FBN3: variants seen among roughly 807,000 people sequenced by gnomAD.
FBN3 encodes the protein fibrillin-3.
A neutral mutation model predicts 330.1 loss-of-function variants in FBN3; 234 were observed. The ratio of observed to expected loss-of-function variants is 0.71; its 90% confidence interval spans 0.64 to 0.79. The LOEUF is 0.79. FBN3 is among the 30% of genes least tolerant of loss of function. The pLI, the probability that FBN3 is intolerant of heterozygous loss-of-function variation, is 0.00. For synonymous variants in FBN3, 1,458 were observed against 1,517.3 expected, an observed-to-expected ratio of 0.96 and a Z score of 0.91; for missense variants, 3,606 against 3,886.9, an observed-to-expected ratio of 0.93 and a Z score of 1.92.
rs1340915380 is a variant in FBN3, at chr19:8,141,954, G to A, written c.725C>T (p.Thr242Met). 7.4e-6 allele frequency: 12 copies of A among 1,614,238 alleles called. No individual in the cohort carries two copies. Among genetic ancestry groups the A allele is most frequent in the Non-Finnish European group, 9.3e-6 (11 of 1,180,032 alleles). ...CRRGFIPNIHTGACQDVDECQ... is the reference protein window; with the variant it reads ...CRRGFIPNIHMGACQDVDECQ... Reference sequence around the variant, plus strand: ...CCACTATTCACCTTGGCAGGCCCCCGTGTGGATATTGGGGATGAAGCCGCG... The same window carrying A: ...CCACTATTCACCTTGGCAGGCCCCCATGTGGATATTGGGGATGAAGCCGCG... Residue 242 changes from threonine to methionine, a missense_variant, in exon 7 of 64, where the codon ACG (threonine) becomes ATG (methionine). Coordinates refer to ENST00000600128, the MANE Select transcript of FBN3 (RefSeq NM_032447.5).
At chr19:8,099,800 C>T (rs1293304969) in intron 41 of FBN3, among the ~76,000 whole-genome samples, 2 of 151,696 alleles carry the variant, frequency 1.3e-5, no homozygotes, top group African/African-American at 4.8e-5. Flanking sequence ...CACCTGAGAT[C>T]AGGAGTTCGA....
Position 8,144,963 on chromosome 19 carries a change from T to A in FBN3, c.455A>T (p.Asp152Val). The A allele has an allele frequency of 1.2e-6, 2 of 1,609,870 alleles. No homozygotes were observed. Among genetic ancestry groups the A allele is most frequent in the Non-Finnish European group, 1.7e-6 (2 of 1,178,986 alleles). Residue 152 changes from aspartate to valine, a missense_variant, in exon 6 of 64, where the codon GAC (aspartate) becomes GTC (valine). Physicochemically the swap from Asp to Val is radical, Grantham distance 152 (BLOSUM62 -3). Coordinates refer to ENST00000600128, the MANE Select transcript of FBN3 (RefSeq NM_032447.5). ...GCGACCCCCATTGTGGCAGCCGCGG[T>A]CACAGATGGCTGTGGAGGAGAGAGG... ...TGTVCGQPIC[D>V]RGCHNGGRCI... is the part of the protein sequence containing the mutation.
rs370271045 is a variant in FBN3, at chr19:8,145,022, G to A, written c.446-50C>T. 2.0e-5 allele frequency: 30 copies of A among 1,499,446 alleles called. No homozygotes were observed. In the African/African-American group the frequency reaches 2.7e-4, roughly 14 times the overall value. 92.9% of individuals were successfully genotyped at this position (1,499,446 alleles called of 1,614,324 possible). A position where few individuals can be genotyped will look rare whatever the true frequency, so the allele number is the denominator to read the frequency against. ...TGGAGGTCCCCCAGCAGCAGAGAGA[G>A]CTGGGGTTCACAGCAAGCCTGTCTT... is the stretch of plus-strand genomic sequence containing the variant. On this transcript the variant is annotated intron_variant, in intron 5 of 63. Transcript: ENST00000600128.
intron 40 of FBN3, 43 bp from the exon 41 acceptor site, chr19:8,101,015 G>A (rs751828556): frequency 2.8e-5 from 43 of 1,535,964 alleles, no homozygotes; most frequent in Non-Finnish European, 3.6e-5. Flanking sequence ...CTGCAGGCCT[G>A]ACCCCAGCCC....
intron 54 of FBN3, 81 bp from the exon 55 acceptor site, chr19:8,086,406 G>A: frequency 1.1e-6 from 1 of 935,068 alleles, no homozygotes; most frequent in Non-Finnish European, 1.6e-6. Context: ...GGCCCCTTTG[G>A]ATCTGCCCAG....
chr19:8,147,144 T>C lies in FBN3; in HGVS notation c.210A>G (p.Pro70=). ...CGSRFHAYCC[P]GWRTFPGRSQ... is the part of the protein sequence containing the mutation. ...TCCTGCCAGGGAATGTCCTCCAGCC[T>C]GGACAGCAGTAGGCATGGAACCGGG... Residue 70 remains proline, a synonymous_variant, in exon 3 of 64, where the codon CCA becomes CCG. Coordinates refer to ENST00000600128, the MANE Select transcript of FBN3 (RefSeq NM_032447.5). 6.4e-7 allele frequency: 1 copy of C among 1,572,918 alleles called. No homozygotes were observed. The highest frequency in any genetic ancestry group is 8.6e-7 in the Non-Finnish European group (1 of 1,160,444).
chr19:8,089,860 GA>G (rs1410532982), intron 50 of FBN3, 33 bp downstream of exon 50: 4 of 1,572,698 alleles, frequency 2.5e-6, no homozygotes, highest in Admixed American at 1.9e-5. Flanking sequence ...GGGTGGCCCA[GA>G]AGGGGCTCTT....
intron 30 of FBN3, among the ~76,000 whole-genome samples, chr19:8,112,625 G>T (rs565898867): frequency 6.6e-6 from 1 of 152,206 alleles, no homozygotes; most frequent in South Asian, 2.1e-4. Context: ...ACTCTAGCCT[G>T]GGCGACAGAG....
chr19:8,092,707 CAAAAAAAAAAAAAAA>C (rs33973797), intron 47 of FBN3, among the ~76,000 whole-genome samples: 1 of 70,156 alleles, frequency 1.4e-5, no homozygotes, highest in Admixed American at 1.9e-4. Context: ...GAGACTCCAC[CAAAAAAAAAAAAAAA>C]AAAAAAAAAA....
rs560829951 is a variant in FBN3 at position 8,147,241 on chromosome 19, C to G, written c.168-55G>C. 740 of 1,557,800 alleles carry G rather than the reference C, an allele frequency of 4.8e-4. 11 individuals carry two copies. The South Asian group carries it at 7.7e-3, about 16-fold the overall frequency. On this transcript the variant is annotated intron_variant, in intron 2 of 63. Coordinates refer to ENST00000600128, the MANE Select transcript of FBN3 (RefSeq NM_032447.5). ...GCCCCTGCCCGTGTGGACATCCCCC[C>G]GGGTATTCCGCTGGCCCCAGGACAG...
chr19:8,072,528 G>T (rs1401765310), intron 62 of FBN3, among the ~76,000 whole-genome samples: 1 of 152,138 alleles, frequency 6.6e-6, no homozygotes, highest in Non-Finnish European at 1.5e-5. Context: ...AATAACTCAT[G>T]CAGGCACATG....
chr19:8,129,321 C>A lies in FBN3; in HGVS notation c.2089G>T (p.Val697Leu), dbSNP rs764671280. The change falls in exon 17 of 64, where the codon GTG (valine) becomes TTG (leucine). Residue 697 changes from valine to leucine, a missense_variant. Coordinates refer to ENST00000600128, the MANE Select transcript of FBN3 (RefSeq NM_032447.5). This position sits in a 1 kb window ranked among gnomAD's most constrained non-coding sequence, Gnocchi z 4.5. Reference sequence around the variant, plus strand: ...TAGCTGCCCCGAAGGTTCTCGCACACGCCATTGGCACAAACCTCAGGATCC... The same window carrying A: ...TAGCTGCCCCGAAGGTTCTCGCACAAGCCATTGGCACAAACCTCAGGATCC... ...ALDPEVCANG[V>L]CENLRGSYRC... The A allele has an allele frequency of 5.0e-6, 8 of 1,614,162 alleles. No individual in the cohort carries two copies. The highest frequency in any genetic ancestry group is 5.9e-6 in the Non-Finnish European group (7 of 1,180,030).
In FBN3 at chr19:8,147,336, C is replaced by G; in HGVS notation, c.145G>C (p.Gly49Arg). The G allele has an allele frequency of 1.3e-6, 2 of 1,598,398 alleles. No homozygotes were observed. Among genetic ancestry groups the G allele is most frequent in the Middle Eastern group, 1.7e-4 (1 of 6,032 alleles). Reference protein sequence around the residue: ...AAGPGRVRRRGSPGILQGPNV... With the variant: ...AAGPGRVRRRRSPGILQGPNV... ...CACCCCTGCAAGATGCCTGGGCTGC[C>G]CCGCCTCCGCACACGTCCAGGACCT... Residue 49 changes from glycine (G) to arginine (R), a missense_variant, in exon 2 of 64, where the codon GGC (glycine) becomes CGC (arginine). Physicochemically the swap from Gly to Arg is moderately radical, Grantham distance 125. Transcript: ENST00000600128.
At chr19:8,093,049 C>G (rs1372723922) in intron 47 of FBN3, among the ~76,000 whole-genome samples, 1 of 149,462 alleles carries the variant, frequency 6.7e-6, no homozygotes, top group Non-Finnish European at 1.5e-5. Flanking sequence ...TCCCCCATAA[C>G]TATTGAAATT....
rs1227501087 is a variant in FBN3, at chr19:8,129,116, G to T, written c.2208C>A (p.Asp736Glu). 5.6e-6 allele frequency: 9 copies of T among 1,613,316 alleles called. No homozygotes were observed. Among genetic ancestry groups the T allele is most frequent in the Non-Finnish European group, 7.6e-6 (9 of 1,179,982 alleles). ...CAGGGCTATTCTGGCACCACCCGTT[G>T]TCACACAGGAGGCTGTTGAGGGCAC... ...DECALNSLLC[D>E]NGWCQNSPGS... Residue 736 changes from aspartate to glutamate, a missense_variant, in exon 18 of 64, where the codon GAC becomes GAA. Physicochemically the swap from Asp to Glu is conservative, Grantham distance 45. Transcript: ENST00000600128. This position sits in a 1 kb window ranked among gnomAD's most constrained non-coding sequence, Gnocchi z 4.5.
At chr19:8,071,852 C>T (rs2081519799) in intron 63 of FBN3, among the ~76,000 whole-genome samples, 196 bp downstream of exon 63, 2 of 30,290 alleles carry the variant, frequency 6.6e-5, no homozygotes, top group South Asian at 8.8e-3. Flanking sequence ...CCCCAGAGAC[C>T]CCCCCCAAGA....
intron 63 of FBN3, among the ~76,000 whole-genome samples, 189 bp from the exon 64 acceptor site, chr19:8,066,449 G>A (rs1254790544): frequency 6.6e-6 from 1 of 152,212 alleles, no homozygotes; most frequent in East Asian, 1.9e-4. Context: ...ATTATCCTAA[G>A]CTAATTAATG....
At chr19:8,146,413 A>C (rs2083548331) in intron 3 of FBN3, among the ~76,000 whole-genome samples, 188 bp from the exon 4 acceptor site, 1 of 152,146 alleles carries the variant, frequency 6.6e-6, no homozygotes, top group African/African-American at 2.4e-5. Context: ...TGGGCTGGGC[A>C]GGGTGTGTGA....
At position 8,087,709 on chromosome 19, in the gene FBN3, C is replaced by A. The variant is rs148024921; in HGVS notation, c.6619+116G>T. ...GCAACCTCCGCCTCCCAGGTTCAAG[C>A]GATTCTCCTGTCTCTCAGCCTCCCA... On this transcript the variant is annotated intron_variant, in intron 53 of 63. Coordinates refer to ENST00000600128, the MANE Select transcript of FBN3 (RefSeq NM_032447.5). The A allele has an allele frequency of 7.9e-6, 7 of 886,694 alleles. No homozygotes were observed. The East Asian group carries it at 2.0e-4, about 25-fold the overall frequency. 54.9% of individuals were successfully genotyped at this position (886,694 alleles called of 1,614,324 possible). A position where few individuals can be genotyped will look rare whatever the true frequency, so the allele number is the denominator to read the frequency against.
Sources: gnomAD v4.1 joint callset for allele counts (sites outside exome capture counted in the v4.1 genomes callset) on GRCh38, gnomAD v4.1.1 for gene constraint, Gnocchi (gnomAD v3.1) non-coding constraint, MANE v1.5 for transcripts, NCBI Gene and HGNC (gene_info 2026-07-23, HGNC 2026-07-21) for gene names.